The following DACT2 variants were observed in gnomAD, a reference collection of about 807,000 sequenced individuals.
DACT2 encodes dishevelled binding antagonist of beta catenin 2, also known as dapper homolog 2.
DACT2 carries 20 observed loss-of-function variants against 22.2 expected under a neutral mutation model. The observed-to-expected ratio is 0.90, with a 90% CI of 0.63 to 1.31. The LOEUF is 1.31. Among genes scored for constraint, DACT2 ranks in the 50% most tolerant of loss-of-function variants. DACT2 has a pLI of 0.00. For missense variants in DACT2, 1,048 were observed against 1,061.4 expected (o/e 0.99, Z 0.18); for synonymous variants, 463 against 479.8 (o/e 0.96, Z 0.46).
exon 6 of DACT2, chr6:168,293,939 G>A (rs1239088602): frequency 1.4e-6 from 1 of 703,452 alleles, no homozygotes; most frequent in East Asian, 2.7e-5. Flanking sequence ...TTGAACTTGT[G>A]TTCTGTAAGT....
chr6:168,310,182 C>T lies in DACT2; in HGVS notation c.644G>A (p.Arg215Lys), dbSNP rs1338070362. The T allele has an allele frequency of 6.5e-7, 1 of 1,550,068 alleles. No individual in the cohort carries two copies. The highest frequency in any genetic ancestry group is 8.7e-7 in the Non-Finnish European group (1 of 1,146,900). The part of the protein sequence containing the change: ...AGQPWGTFWP[R>K]PVSTGDLDRA... The stretch of plus-strand genomic sequence containing the variant: ...CAGTTTCTTACCTGTAGACACAGGC[C>T]TGGGCCAGAATGTGCCCCACGGCTG... The change falls in exon 3 of 4, where the codon AGG becomes AAG. Residue 215 changes from arginine to lysine, a missense_variant. By Grantham distance (26) the Arg-to-Lys change is conservative (BLOSUM62 2). Coordinates refer to ENST00000366795, the MANE Select transcript of DACT2 (RefSeq NM_214462.5).
In DACT2 at chr6:168,313,069, C is replaced by T. The variant is rs141345145; in HGVS notation, c.247-1785G>A. On this transcript the variant is annotated intron_variant, in intron 1 of 3. Coordinates refer to ENST00000366795, the MANE Select transcript of DACT2 (RefSeq NM_214462.5). ...TGAAGCCATAATATTTTTTTTTAGACGGAGTCTCGCTCTGTCCTCCAGGCT... is the reference window on the plus strand; with the variant it reads ...TGAAGCCATAATATTTTTTTTTAGATGGAGTCTCGCTCTGTCCTCCAGGCT... 7.2e-3 allele frequency among the ~76,000 whole-genome samples: 1,090 copies of T among 152,134 alleles called. 12 individuals are homozygous for T. Among genetic ancestry groups the T allele is most frequent in the African/African-American group, 0.025 (1,022 of 41,510 alleles).
downstream of DACT2, among the ~76,000 whole-genome samples, chr6:168,302,503 C>T (rs1251329368): frequency 6.6e-6 from 1 of 152,220 alleles, no homozygotes. Context: ...ATAAAAGTTG[C>T]AGCAGCATTT....
Position 168,307,268 on chromosome 6 carries a change from C to T in DACT2, c.*164G>A, listed in dbSNP as rs754404453. 3 of 1,386,160 alleles carry T rather than the reference C, an allele frequency of 2.2e-6. No homozygotes were observed. Among genetic ancestry groups the T allele is most frequent in the East Asian group, 2.6e-5 (1 of 38,358 alleles). 85.9% of individuals were successfully genotyped at this position (1,386,160 alleles called of 1,614,324 possible). ...CTTTGCTGGGGCGGGGACTCACGGC[C>T]ATACTCCACAGGGCAGAACCCATCT... On this transcript the variant is annotated 3_prime_UTR_variant, in exon 4 of 4. Transcript: ENST00000366795. This position sits in a 1 kb window ranked among gnomAD's most constrained non-coding sequence, Gnocchi z 5.3.
intron 1 of DACT2, among the ~76,000 whole-genome samples, chr6:168,312,725 T>C (rs996141721): frequency 3.3e-5 from 5 of 152,244 alleles, no homozygotes; most frequent in Admixed American, 2.6e-4. Context: ...AGAAAATGAT[T>C]AATTATATTT....
chr6:168,310,062 C>A (rs117884613), intron 3 of DACT2, 106 bp downstream of exon 3: 1 of 1,459,670 alleles, frequency 6.9e-7, no homozygotes, highest in Middle Eastern at 2.5e-4. Context: ...AGCCTGACAG[C>A]GTGCTCCGTG....
downstream of DACT2, among the ~76,000 whole-genome samples, chr6:168,303,670 C>T (rs948697283): frequency 6.6e-6 from 1 of 152,134 alleles, no homozygotes; most frequent in African/African-American, 2.4e-5. Flanking sequence ...TACAGCAACA[C>T]AAAATGGACC....
intron 1 of DACT2, 144 bp downstream of exon 1, chr6:168,319,244 C>T (rs4292501): frequency 0.55 from 425,022 of 777,336 alleles, 122,524 homozygotes; most frequent in East Asian, 0.85. Flanking sequence ...CCTTGGAGAC[C>T]GAACTGCATT....
chr6:168,294,424 A>T (rs1004319866), intron 4 of DACT2, among the ~76,000 whole-genome samples: 6 of 151,460 alleles, frequency 4.0e-5, no homozygotes, highest in Admixed American at 3.9e-4. Context: ...GGAGCATTGC[A>T]CGGCTCTGCT....
At chr6:168,314,173 C>T (rs1190582634) in intron 1 of DACT2, among the ~76,000 whole-genome samples, 5 of 152,236 alleles carry the variant, frequency 3.3e-5, no homozygotes, top group Non-Finnish European at 7.3e-5. Flanking sequence ...GTGATCTCCA[C>T]GCATGTCCAT....
Position 168,307,321 on chromosome 6 carries a change from C to A in DACT2, c.*111G>T. On this transcript the variant is annotated 3_prime_UTR_variant, in exon 4 of 4. Transcript: ENST00000366795. This position sits in a 1 kb window ranked among gnomAD's most constrained non-coding sequence, Gnocchi z 5.3. Reference sequence around the variant, plus strand: ...GGGGACTCCTGTTAAACGGTGGCCTCGGAAGATAAAGCGACTTGGCAAGAC... The same window carrying A: ...GGGGACTCCTGTTAAACGGTGGCCTAGGAAGATAAAGCGACTTGGCAAGAC... 6.7e-7 allele frequency: 1 copy of A among 1,487,148 alleles called. No homozygotes were observed. The highest frequency in any genetic ancestry group is 8.9e-7 in the Non-Finnish European group (1 of 1,119,124). The allele number at this position is 1,487,148 out of a possible 1,614,324, so 92.1% of individuals were successfully genotyped here.
chr6:168,310,561 C>A, intron 2 of DACT2, 115 bp from the exon 3 acceptor site: 1 of 1,358,056 alleles, frequency 7.4e-7, no homozygotes. Context: ...TGAGCTGAGG[C>A]TACCGGAGGC....
At chr6:168,312,388 G>A (rs944082716) in intron 1 of DACT2, among the ~76,000 whole-genome samples, 2 of 152,128 alleles carry the variant, frequency 1.3e-5, no homozygotes, top group Admixed American at 1.3e-4. Flanking sequence ...GTAGAGACAG[G>A]GTCTTGCCAT....
intron 3 of DACT2, among the ~76,000 whole-genome samples, chr6:168,301,887 C>T (rs1169852739): frequency 6.6e-6 from 1 of 152,230 alleles, no homozygotes; most frequent in Non-Finnish European, 1.5e-5. Flanking sequence ...TGGGATGACC[C>T]ACAAGTCCAC....
chr6:168,294,902 T>C (rs1778983340), intron 3 of DACT2, among the ~76,000 whole-genome samples: 1 of 152,170 alleles, frequency 6.6e-6, no homozygotes, highest in South Asian at 2.1e-4. Context: ...TGACATTAAA[T>C]AGCAAATACA....
rs369121381 is a variant in DACT2, at chr6:168,310,403, C to T, written c.423G>A (p.Thr141=). ...GGTCACTGCAGACGGAGGCACAGGA[C>T]GTGGACAGGGAGCAGGATCCACCGT... ...MSDGGSCSLS[T]SCASVCSDHI... Residue 141 remains threonine, a synonymous_variant, in exon 3 of 4, where the codon ACG becomes ACA. Coordinates refer to ENST00000366795, the MANE Select transcript of DACT2 (RefSeq NM_214462.5). The T allele has an allele frequency of 5.4e-5, 84 of 1,551,524 alleles. No individual in the cohort carries two copies. The highest frequency in any genetic ancestry group is 4.1e-4 in the African/African-American group (30 of 73,164).
chr6:168,305,662 C>T (rs113122392), downstream of DACT2, among the ~76,000 whole-genome samples: 1,591 of 152,274 alleles, frequency 0.01, 12 homozygotes, highest in South Asian at 0.02. Context: ...TCAGTGAGGA[C>T]GAGGACTCAG....
At position 168,319,517 on chromosome 6, in the gene DACT2, C is replaced by T. The variant is rs1490904691; in HGVS notation, c.117G>A (p.Gln39=). ...LQELQGLRAT[Q]QERVRGALAL... ...CCAGGGCGCCCCGTACCCGCTCCTG[C>T]TGCGTGGCTCGCAGCCCCTGCAGCT... The change falls in exon 1 of 4, where the codon CAG becomes CAA. Residue 39 remains glutamine, a synonymous_variant. Coordinates refer to ENST00000366795, the MANE Select transcript of DACT2 (RefSeq NM_214462.5). The T allele has an allele frequency of 3.7e-6, 5 of 1,353,180 alleles. No homozygotes were observed. The African/African-American group carries it at 7.6e-5, about 20-fold the overall frequency. 83.8% of individuals were successfully genotyped at this position (1,353,180 alleles called of 1,614,324 possible).
intron 4 of DACT2, chr6:168,294,577 G>GTATATATA (rs1554269708): frequency 1.3e-4 from 16 of 124,468 alleles, no homozygotes; most frequent in African/African-American, 2.8e-4. Context: ...GTGTGTGTGT[G>GTATATATA]TATATATATA....
Sources: gnomAD v4.1 joint callset for allele counts (sites outside exome capture counted in the v4.1 genomes callset) on GRCh38, gnomAD v4.1.1 for gene constraint, Gnocchi (gnomAD v3.1) non-coding constraint, MANE v1.5 for transcripts, NCBI Gene and HGNC (gene_info 2026-07-23, HGNC 2026-07-21) for gene names.